Variants in PRKG1 observed in about 807,000 individuals in gnomAD.
PRKG1 encodes the protein cGMP-dependent protein kinase 1.
In PRKG1, 35 loss-of-function variants were observed where a neutral mutation model predicts 88.1. That is an observed-to-expected ratio of 0.40 (90% confidence interval 0.30 to 0.53). The LOEUF (loss-of-function observed/expected upper bound fraction) is 0.53, where lower values mean the gene tolerates loss of function less well. Among genes scored for constraint, PRKG1 ranks in the 20% least tolerant of loss-of-function variants. The pLI is 0.59. For missense variants in PRKG1, 540 were observed against 839.8 expected (o/e 0.64, Z 4.41); for synonymous variants, 303 against 292.5 (o/e 1.04, Z -0.37).
chr10:51,840,771 C>G (rs956090620), intron 4 of PRKG1, among the ~76,000 whole-genome samples: 3 of 152,040 alleles, frequency 2.0e-5, no homozygotes, highest in Non-Finnish European at 4.4e-5. Flanking sequence ...GTCTCGGACT[C>G]CAGCCCTCAG....
chr10:52,004,189 C>T (rs1026759509), intron 5 of PRKG1, among the ~76,000 whole-genome samples: 1 of 152,134 alleles, frequency 6.6e-6, no homozygotes, highest in African/African-American at 2.4e-5. Flanking sequence ...TCACAAACCA[C>T]TTTTTGGCTG....
rs139273368 is a variant in PRKG1 at position 51,423,792 on chromosome 10, T to G, written c.479-43931T>G. Among the ~76,000 whole-genome samples, 1,022 of 152,262 alleles carry G rather than the reference T, an allele frequency of 6.7e-3. 14 individuals are homozygous for G. Among genetic ancestry groups the G allele is most frequent in the African/African-American group, 0.024 (986 of 41,546 alleles). On this transcript the variant is annotated intron_variant, in intron 2 of 17. Coordinates refer to ENST00000373980, the MANE Select transcript of PRKG1 (RefSeq NM_006258.4). ...TAGTTCGCAGAGGTCACTGGAATATTTCATCTTCTGTGATTATTTTTTATT... is the reference window on the plus strand; with the variant it reads ...TAGTTCGCAGAGGTCACTGGAATATGTCATCTTCTGTGATTATTTTTTATT...
rs2248908 is a variant in PRKG1 at position 50,990,905 on chromosome 10, C to T, written c.-474C>T. ...CCCACCCCCTTCCCTTGGTACCATACAGCGTGGAAGAGTGAGTTTTGTGTG... is the reference window on the plus strand; with the variant it reads ...CCCACCCCCTTCCCTTGGTACCATATAGCGTGGAAGAGTGAGTTTTGTGTG... On this transcript the variant is annotated 5_prime_UTR_variant, in exon 1 of 18. Transcript: ENST00000401604. The T allele has an allele frequency of 0.9, 125,551 of 139,976 alleles. 56,408 individuals are homozygous for T. The highest frequency in any genetic ancestry group is 0.95 in the African/African-American group (34,744 of 36,488). The allele number at this position is 139,976 out of a possible 1,614,324, so 8.7% of individuals were successfully genotyped here.
intron 7 of PRKG1, among the ~76,000 whole-genome samples, chr10:52,085,894 T>C (rs549876091): frequency 6.6e-6 from 1 of 152,160 alleles, no homozygotes; most frequent in African/African-American, 2.4e-5. Flanking sequence ...TCCAGAATTG[T>C]GACATGCATA....
intron 2 of PRKG1, among the ~76,000 whole-genome samples, chr10:51,438,280 A>T (rs772748643): frequency 8.6e-5 from 13 of 151,972 alleles, no homozygotes; most frequent in Non-Finnish European, 1.8e-4. Flanking sequence ...ACATTATGGT[A>T]ATTTTTTATA....
intron 2 of PRKG1, among the ~76,000 whole-genome samples, chr10:51,344,843 G>A (rs192191801): frequency 4.6e-5 from 7 of 152,276 alleles, no homozygotes; most frequent in African/African-American, 1.4e-4. Context: ...GTAATTGCTT[G>A]CTCCCTTTGC....
chr10:52,026,338 A>G (rs1208733839), intron 5 of PRKG1, among the ~76,000 whole-genome samples: 1 of 152,208 alleles, frequency 6.6e-6, no homozygotes, highest in East Asian at 1.9e-4. Context: ...GTAATTAACT[A>G]AATTACACTT....
At chr10:51,886,617 T>C (rs190954625) in intron 4 of PRKG1, among the ~76,000 whole-genome samples, 12 of 152,366 alleles carry the variant, frequency 7.9e-5, no homozygotes, top group African/African-American at 2.6e-4. Context: ...AGATGACTCA[T>C]ATAAGTGGAA....
intron 2 of PRKG1, among the ~76,000 whole-genome samples, chr10:51,334,129 C>T (rs1312907690): frequency 6.8e-6 from 1 of 147,648 alleles, no homozygotes; most frequent in Non-Finnish European, 1.5e-5. Flanking sequence ...AGTCCACTGC[C>T]CTTCCTTTCT....
intron 2 of PRKG1, among the ~76,000 whole-genome samples, chr10:51,323,037 T>C (rs962620393): frequency 6.6e-6 from 1 of 152,202 alleles, no homozygotes; most frequent in Non-Finnish European, 1.5e-5. Flanking sequence ...ATTATATTCA[T>C]TTGTTAGATT....
intron 3 of PRKG1, among the ~76,000 whole-genome samples, chr10:51,561,708 G>A (rs187776736): frequency 1.3e-5 from 2 of 152,110 alleles, no homozygotes; most frequent in African/African-American, 4.8e-5. Flanking sequence ...ATGTCCAGGG[G>A]AAATAATCTC....
intron 3 of PRKG1, chr10:51,698,042 T>C (rs1841349943): frequency 6.2e-7 from 1 of 1,614,066 alleles, no homozygotes; most frequent in South Asian, 1.1e-5. Context: ...AGCTCCAGGA[T>C]TCCCCACCCC....
intron 3 of PRKG1, among the ~76,000 whole-genome samples, chr10:51,608,587 A>T (rs559747052): frequency 1.3e-5 from 2 of 152,346 alleles, no homozygotes; most frequent in East Asian, 3.9e-4. Context: ...CCTTGTGATT[A>T]TAACATCAGA....
chr10:51,567,144 T>A (rs1448225744), intron 3 of PRKG1, among the ~76,000 whole-genome samples: 1 of 152,096 alleles, frequency 6.6e-6, no homozygotes, highest in Non-Finnish European at 1.5e-5. Context: ...AACTCAATTT[T>A]AAAAATTTTC....
chr10:51,861,047 T>C (rs1176517384), intron 4 of PRKG1, among the ~76,000 whole-genome samples: 1 of 152,200 alleles, frequency 6.6e-6, no homozygotes, highest in Non-Finnish European at 1.5e-5. Context: ...TAAGCCCTTT[T>C]ACCAATATTT....
rs141094251 is a variant in PRKG1, at chr10:52,109,182, C to T, written c.936-24658C>T. On this transcript the variant is annotated intron_variant, in intron 7 of 17. Coordinates refer to ENST00000373980, the MANE Select transcript of PRKG1 (RefSeq NM_006258.4). ...CTCTGAAAGTCATCACAGGTCTCAG[C>T]GGGGGAGTGGCTAGGAATATAACCA... is the stretch of plus-strand genomic sequence containing the variant. 9.6e-3 allele frequency among the ~76,000 whole-genome samples: 1,463 copies of T among 152,100 alleles called. 8 individuals carry two copies. Among genetic ancestry groups the T allele is most frequent in the South Asian group, 0.034 (165 of 4,802 alleles).
intron 9 of PRKG1, among the ~76,000 whole-genome samples, chr10:52,214,715 A>G (rs1840066090): frequency 6.6e-6 from 1 of 152,172 alleles, no homozygotes; most frequent in Non-Finnish European, 1.5e-5. Context: ...GATAAAGATT[A>G]CACAGCGAAG....
At chr10:51,994,273 A>G (rs545597496) in intron 5 of PRKG1, among the ~76,000 whole-genome samples, 3 of 152,284 alleles carry the variant, frequency 2.0e-5, no homozygotes, top group African/African-American at 7.2e-5. Flanking sequence ...TGAGAATTTC[A>G]GTCTTTCTCC....
At chr10:52,139,562 C>T (rs1837518966) in intron 8 of PRKG1, among the ~76,000 whole-genome samples, 1 of 152,100 alleles carries the variant, frequency 6.6e-6, no homozygotes, top group African/African-American at 2.4e-5. Flanking sequence ...ATAGGAAGAT[C>T]ACACAGTGAA....
Sources: allele counts gnomAD v4.1 joint callset (sites outside exome capture counted in the v4.1 genomes callset), GRCh38; gene constraint gnomAD v4.1.1; transcripts MANE v1.5; gene names NCBI Gene and HGNC (gene_info 2026-07-23, HGNC 2026-07-21).